Variants in CC2D2B observed in about 807,000 individuals in gnomAD.
CC2D2B encodes the protein coiled-coil and C2 domain containing 2B.
CC2D2B carries 128 observed loss-of-function variants against 161.2 expected under a neutral mutation model. The ratio of observed to expected loss-of-function variants is 0.79; its 90% CI spans 0.69 to 0.92. The LOEUF (loss-of-function observed/expected upper bound fraction) is 0.92. Ranked by LOEUF, CC2D2B falls within the 40% of genes least tolerant of loss-of-function variation. CC2D2B has a pLI of 0.00. For synonymous variants in CC2D2B, 391 were observed against 449.8 expected, an observed-to-expected ratio of 0.87 and a Z score of 1.65; for missense variants, 1,173 against 1,375.1, an observed-to-expected ratio of 0.85 and a Z score of 2.32.
At chr10:95,955,333 A>C (rs1186279040) in intron 10 of CC2D2B, 61 bp from the exon 11 acceptor site, 1 of 397,078 alleles carries the variant, frequency 2.5e-6, no homozygotes. Flanking sequence ...CTACAGGTGA[A>C]CTGGATCAAT....
chr10:95,971,302 T>C (rs562477147), intron 15 of CC2D2B, among the ~76,000 whole-genome samples: 1 of 151,470 alleles, frequency 6.6e-6, no homozygotes, highest in South Asian at 2.1e-4. Context: ...GGCAGGAGAA[T>C]TGCTTGAACC....
intron 33 of CC2D2B, among the ~76,000 whole-genome samples, chr10:96,025,192 A>AAAAAAAT (rs1284499689): frequency 4.1e-5 from 2 of 49,204 alleles, no homozygotes; most frequent in African/African-American, 1.7e-4. Flanking sequence ...TATAAAAAAA[A>AAAAAAAT]ATATATATAT....
At chr10:95,937,613 T>C (rs887128823) in intron 6 of CC2D2B, among the ~76,000 whole-genome samples, 2 of 151,972 alleles carry the variant, frequency 1.3e-5, no homozygotes, top group African/African-American at 2.4e-5. Context: ...TTCTGAATGA[T>C]GGGGAAAAAA....
chr10:96,028,103 A>G (rs920619024), intron 34 of CC2D2B, among the ~76,000 whole-genome samples: 8 of 152,220 alleles, frequency 5.3e-5, no homozygotes, highest in African/African-American at 1.9e-4. Context: ...ATACCCCACA[A>G]GCACAGGCAA....
chr10:95,928,205 T>C (rs2098543011), intron 6 of CC2D2B, among the ~76,000 whole-genome samples: 1 of 148,150 alleles, frequency 6.7e-6, no homozygotes, highest in Admixed American at 6.9e-5. Context: ...TTCATTCTCG[T>C]TTTGTTATTG....
At chr10:96,018,997 G>C (rs1479070676) in intron 30 of CC2D2B, 1 of 443,554 alleles carries the variant, frequency 2.3e-6, no homozygotes, top group Non-Finnish European at 3.9e-6. Context: ...GATAGATACA[G>C]GGTTTCCTTA....
intron 11 of CC2D2B, among the ~76,000 whole-genome samples, chr10:95,956,532 GA>G (rs781749079): frequency 6.6e-5 from 10 of 152,088 alleles, no homozygotes; most frequent in Non-Finnish European, 1.3e-4. Flanking sequence ...AATATAAAAT[GA>G]AAATTTAAAA....
Position 95,961,879 on chromosome 10 carries a change from T to C in CC2D2B, c.1160T>C (p.Leu387Pro), listed in dbSNP as rs1286103010. 1 of 1,231,276 alleles carries C rather than the reference T, an allele frequency of 8.1e-7. No individual in the cohort carries two copies. Among genetic ancestry groups the C allele is most frequent in the African/African-American group, 1.6e-5 (1 of 64,364 alleles). 76.3% of individuals were successfully genotyped at this position (1,231,276 alleles called of 1,614,324 possible). Residue 387 changes from leucine to proline, a missense_variant, in exon 12 of 35, where the codon CTA becomes CCA. Leu to Pro is a moderately conservative substitution (Grantham distance 98, BLOSUM62 -3). Around this residue, in one of 3 missense-constraint regions of CC2D2B, gnomAD observed 298 missense variants for 261.2 expected, o/e 1.14. Coordinates refer to ENST00000646931, the MANE Select transcript of CC2D2B (RefSeq NM_001349008.3). ...GAAAGGGGAAAGGACCTCTCCCTAC[T>C]ACACAGTATATTACGAACTTGGAAA... ...DLERGKDLSLLHSILRTWKQI... is the reference protein window; with the variant it reads ...DLERGKDLSLPHSILRTWKQI...
At chr10:95,929,270 A>G (rs897258301) in intron 6 of CC2D2B, among the ~76,000 whole-genome samples, 1 of 151,860 alleles carries the variant, frequency 6.6e-6, no homozygotes, top group Non-Finnish European at 1.5e-5. Context: ...AAATTTGTTT[A>G]AGTTATTTGT....
chr10:96,014,606 A>G (rs1047091062), intron 29 of CC2D2B, among the ~76,000 whole-genome samples: 14 of 152,238 alleles, frequency 9.2e-5, no homozygotes, highest in African/African-American at 3.1e-4. Context: ...TCAAAGACTT[A>G]GTAGATGTGC....
chr10:95,987,565 G>A (rs1050392706), intron 19 of CC2D2B, among the ~76,000 whole-genome samples: 5 of 151,850 alleles, frequency 3.3e-5, no homozygotes, highest in Non-Finnish European at 7.4e-5. Context: ...AAGTGCATTG[G>A]GGATATATAA....
At chr10:95,925,709 G>A (rs1447656693) in intron 5 of CC2D2B, among the ~76,000 whole-genome samples, 2 of 152,160 alleles carry the variant, frequency 1.3e-5, no homozygotes, top group African/African-American at 2.4e-5. Flanking sequence ...ATCAGCAGTC[G>A]GGGCTGATAG....
At chr10:95,921,783 G>T (rs866619443) in intron 2 of CC2D2B, among the ~76,000 whole-genome samples, 5 of 149,582 alleles carry the variant, frequency 3.3e-5, no homozygotes, top group Non-Finnish European at 7.4e-5. Context: ...CACATCACAC[G>T]CCAGGGCCTG....
At chr10:95,926,836 G>GTGTGTC (rs1479967342) in intron 5 of CC2D2B, among the ~76,000 whole-genome samples, 15 of 136,704 alleles carry the variant, frequency 1.1e-4, no homozygotes, top group Admixed American at 3.9e-4. Flanking sequence ...GTGTGTGTGT[G>GTGTGTC]TGTGTGTGTG....
At chr10:95,990,643 G>A (rs1420620333) in intron 20 of CC2D2B, among the ~76,000 whole-genome samples, 1 of 152,120 alleles carries the variant, frequency 6.6e-6, no homozygotes, top group Non-Finnish European at 1.5e-5. Context: ...TTCCCTACCC[G>A]CTTCAAGAAG....
intron 3 of CC2D2B, among the ~76,000 whole-genome samples, chr10:95,922,450 T>C (rs1269223902): frequency 1.3e-5 from 2 of 152,232 alleles, no homozygotes; most frequent in Non-Finnish European, 2.9e-5. Flanking sequence ...ATTGAGCATG[T>C]ATTATATGCC....
chr10:95,987,295 G>A (rs2077767711), intron 19 of CC2D2B, among the ~76,000 whole-genome samples: 1 of 152,056 alleles, frequency 6.6e-6, no homozygotes, highest in Non-Finnish European at 1.5e-5. Flanking sequence ...CTGTACTCCA[G>A]CCTGGGTGAC....
intron 2 of CC2D2B, among the ~76,000 whole-genome samples, chr10:95,918,041 T>G (rs1270677678): frequency 6.6e-6 from 1 of 152,212 alleles, no homozygotes; most frequent in Non-Finnish European, 1.5e-5. Context: ...CCTCCCAAAG[T>G]GCTGGGATTA....
At chr10:95,980,624 G>A (rs549385829) in intron 17 of CC2D2B, among the ~76,000 whole-genome samples, 8 of 152,128 alleles carry the variant, frequency 5.3e-5, no homozygotes, top group Non-Finnish European at 7.4e-5. Context: ...CAAAATGAGG[G>A]CAGACATGGG....
Sources: gnomAD v4.1 joint callset for allele counts (sites outside exome capture counted in the v4.1 genomes callset) on GRCh38, gnomAD v4.1.1 for gene constraint, gnomAD v4.1.1 regional missense constraint, MANE v1.5 for transcripts, NCBI Gene and HGNC (gene_info 2026-07-23, HGNC 2026-07-21) for gene names.